RBM5: variants seen among roughly 807,000 people sequenced by gnomAD.
The protein encoded by RBM5 is RNA-binding protein 5.
Under a neutral mutation model 124.6 loss-of-function variants are expected in RBM5, and 15 were observed. That is an observed-to-expected ratio of 0.12 (90% confidence interval 0.08 to 0.19). RBM5 has a LOEUF of 0.19. Among genes scored for constraint, RBM5 ranks in the 10% least tolerant of loss-of-function variants. The probability of loss-of-function intolerance (pLI) is 1.00; values close to 1 mark genes in which losing one functional copy is unlikely to be tolerated. For missense variants in RBM5, 580 were observed against 1,026.5 expected (o/e 0.57, Z 5.94); for synonymous variants, 337 against 361.2 (o/e 0.93, Z 0.76).
Position 50,113,397 on chromosome 3 carries a change from C to T in RBM5, c.1470C>T (p.Ser490=). Residue 490 remains serine, a synonymous_variant, in exon 18 of 25, where the codon TCC becomes TCT. Coordinates refer to ENST00000347869, the MANE Select transcript of RBM5 (RefSeq NM_005778.4). ...YDPNSQYYYN[S]LTQQYLYWDG... ...TTGTTTTCTAGTACTACTATAATTC[C>T]TTGACCCAGCAGTACCTTTACTGGG... 6.2e-7 allele frequency: 1 copy of T among 1,612,606 alleles called. No individual in the cohort carries two copies. The highest frequency in any genetic ancestry group is 1.1e-5 in the South Asian group (1 of 90,814).
chr3:50,108,163 C>T lies in RBM5; in HGVS notation c.1119+16C>T, dbSNP rs201247964. 1,178 of 1,603,480 alleles carry T rather than the reference C, an allele frequency of 7.3e-4. 4 individuals carry two copies. The highest frequency in any genetic ancestry group is 9.3e-4 in the Non-Finnish European group (1,085 of 1,170,404). On this transcript the variant is annotated intron_variant, in intron 13 of 24. Coordinates refer to ENST00000347869, the MANE Select transcript of RBM5 (RefSeq NM_005778.4). The stretch of plus-strand genomic sequence containing the variant: ...ATATGCTCAGGTAGGTAGATTTTAG[C>T]AGCATCCACCTTATAGTCTTGCAGA...
At chr3:50,109,951 G>A (rs527520329) in intron 15 of RBM5, 37 of 341,158 alleles carry the variant, frequency 1.1e-4, no homozygotes, top group African/African-American at 4.3e-4. Flanking sequence ...GGTGGCTCGC[G>A]CCTGTAATCC....
At chr3:50,115,302 A>G (rs1201771031) in intron 20 of RBM5, 126 bp from the exon 21 acceptor site, 2 of 1,139,510 alleles carry the variant, frequency 1.8e-6, no homozygotes, top group South Asian at 1.4e-5. Flanking sequence ...ATTCATTACT[A>G]AAGTGTGACA....
At chr3:50,094,922 C>T (rs1318402903) in intron 4 of RBM5, among the ~76,000 whole-genome samples, 34 of 152,098 alleles carry the variant, frequency 2.2e-4, no homozygotes, top group Admixed American at 2.0e-3. Context: ...TTTGGCCAGG[C>T]GCGGTGGCTC....
At chr3:50,114,872 A>AC (rs1290273384) in intron 20 of RBM5, 5 of 153,290 alleles carry the variant, frequency 3.3e-5, no homozygotes, top group African/African-American at 1.2e-4. Context: ...TAAAAAAAAA[A>AC]AAAACAAAAA....
intron 10 of RBM5, among the ~76,000 whole-genome samples, chr3:50,106,510 G>A (rs1029397671): frequency 6.6e-6 from 1 of 152,078 alleles, no homozygotes; most frequent in African/African-American, 2.4e-5. Context: ...CAAGTGATCC[G>A]CTCATCTCAG....
rs376882895 is a variant in RBM5, at chr3:50,110,432, C to T, written c.1332C>T (p.Ser444=). 72 of 1,614,066 alleles carry T rather than the reference C, an allele frequency of 4.5e-5. No homozygotes were observed. The highest frequency in any genetic ancestry group is 5.9e-5 in the Non-Finnish European group (70 of 1,180,026). Residue 444 remains serine, a synonymous_variant, in exon 16 of 25, where the codon TCC becomes TCT. Transcript: ENST00000347869. ...TSTSTQAPAA[S]PTGVVPGTKY... ...CAAGTACACAGGCCCCAGCCGCTTC[C>T]CCTACTGGTGTAGTTCCTGGTACCA...
rs987256077 is a variant in RBM5 at position 50,107,179 on chromosome 3, C to T, written c.954-303C>T. On this transcript the variant is annotated intron_variant, in intron 11 of 24. Transcript: ENST00000347869. ...CAGAAATAACCCATTCCTTCCAGAA[C>T]AGCGTGCTAATAATTTCATGTATAT... 1.4e-5 allele frequency: 9 copies of T among 636,162 alleles called. No individual in the cohort carries two copies. The African/African-American group carries it at 1.6e-4, about 11-fold the overall frequency. 39.4% of individuals were successfully genotyped at this position (636,162 alleles called of 1,614,324 possible).
Position 50,113,456 on chromosome 3 carries a change from A to C in RBM5, c.1529A>C (p.Glu510Ala). 6.2e-7 allele frequency: 1 copy of C among 1,614,064 alleles called. No individual in the cohort carries two copies. The highest frequency in any genetic ancestry group is 1.7e-4 in the Middle Eastern group (1 of 6,030). Residue 510 changes from glutamate (E) to alanine (A), a missense_variant, in exon 18 of 25, where the codon GAG (glutamate) becomes GCG (alanine). Transcript: ENST00000347869. The stretch of plus-strand genomic sequence containing the variant: ...AAAGAGACCTACGTGCCAGCTGCAG[A>C]GTCTAGCTCCCACCAGCAGTCGGGC... The part of the protein sequence containing the change: ...GEKETYVPAA[E>A]SSSHQQSGLP...
rs2090650301 is a variant in RBM5 at position 50,088,969 on chromosome 3, CGAACCTTGTTGGAGGTTCTGGGGCGCA to C, written c.-108_-82del. On this transcript the variant is annotated 5_prime_UTR_variant, in exon 1 of 25. Transcript: ENST00000347869. ...CGGAGGCGCCATTTTGTGTAGCCGC[CGAACCTTGTTGGAGGTTCTGGGGCGCA>C]GAACCGCTACTGCTGCTTCGGTCTC... The C allele has an allele frequency of 6.6e-6, 1 of 152,276 alleles. No individual in the cohort carries two copies. The highest frequency in any genetic ancestry group is 1.5e-5 in the Non-Finnish European group (1 of 68,124). 9.4% of individuals were successfully genotyped at this position (152,276 alleles called of 1,614,324 possible).
chr3:50,102,981 A>G, intron 6 of RBM5, 102 bp from the exon 7 acceptor site: 8 of 928,338 alleles, frequency 8.6e-6, no homozygotes, highest in Non-Finnish European at 1.4e-5. Flanking sequence ...TATGTTGTCC[A>G]TTTAATTCCA....
chr3:50,108,373 C>T, intron 14 of RBM5, 69 bp downstream of exon 14: 1 of 1,363,558 alleles, frequency 7.3e-7, no homozygotes, highest in Non-Finnish European at 1.0e-6. Context: ...GATTAAATGT[C>T]CTAACTGGAC....
intron 3 of RBM5, 23 bp downstream of exon 3, chr3:50,092,231 AC>A (rs1319558673): frequency 2.2e-5 from 36 of 1,605,602 alleles, no homozygotes; most frequent in Non-Finnish European, 3.0e-5. Context: ...CGGCTGTATA[AC>A]CCCCCAAAAC....
Position 50,113,522 on chromosome 3 carries a change from C to T in RBM5, c.1595C>T (p.Pro532Leu), listed in dbSNP as rs749642561. The change falls in exon 18 of 25, where the codon CCC (proline) becomes CTC (leucine). Residue 532 changes from proline to leucine, a missense_variant. By Grantham distance (98) the Pro-to-Leu change is moderately conservative. Around this residue, in one of 6 missense-constraint regions of RBM5, gnomAD observed 234 missense variants for 435.1 expected, o/e 0.54. Transcript: ENST00000347869. ...GAGGGGAAAGAGAAGAAGGAGAAAC[C>T]CAAGAGCAAAACAGCCCAGCAGGTT... ...AKEGKEKKEK[P>L]KSKTAQQIAK... is the part of the protein sequence containing the mutation. 1.4e-5 allele frequency: 23 copies of T among 1,613,828 alleles called. No individual in the cohort carries two copies. The highest frequency in any genetic ancestry group is 9.3e-5 in the African/African-American group (7 of 74,878).
intron 4 of RBM5, among the ~76,000 whole-genome samples, chr3:50,096,001 TAATG>T (rs2108990732): frequency 6.6e-6 from 1 of 152,290 alleles, no homozygotes; most frequent in South Asian, 2.1e-4. Flanking sequence ...ACCCTGGAAG[TAATG>T]AATGTGACAA....
At chr3:50,107,966 G>A in intron 12 of RBM5, 104 bp from the exon 13 acceptor site, 12 of 989,938 alleles carry the variant, frequency 1.2e-5, no homozygotes, top group Admixed American at 3.7e-5. Flanking sequence ...GATTACAGCC[G>A]TGAGCCACAG....
Position 50,096,526 on chromosome 3 carries a change from G to A in RBM5, c.339+2651G>A, listed in dbSNP as rs1389328450. The stretch of plus-strand genomic sequence containing the variant: ...TGTCGGAAAAGGTCCTATTGAAAGA[G>A]GTCTGCCTAAGAGCTCTTGAAGGTT... On this transcript the variant is annotated intron_variant, in intron 4 of 24. Transcript: ENST00000347869. Among the ~76,000 whole-genome samples, 9 of 152,020 alleles carry A rather than the reference G, an allele frequency of 5.9e-5. 1 individual carries two copies. Among genetic ancestry groups the A allele is most frequent in the Admixed American group, 5.9e-4 (9 of 15,268 alleles).
chr3:50,092,223 GCT>G lies in RBM5; in HGVS notation c.183+16_183+17del. The stretch of plus-strand genomic sequence containing the variant: ...ACAGTCCAGAGGTGAGTGACCAGCG[GCT>G]GTATAACCCCCCAAAACACTCTGAG... On this transcript the variant is annotated intron_variant, in intron 3 of 24. Coordinates refer to ENST00000347869, the MANE Select transcript of RBM5 (RefSeq NM_005778.4). 6.2e-7 allele frequency: 1 copy of G among 1,609,474 alleles called. No homozygotes were observed. The highest frequency in any genetic ancestry group is 8.5e-7 in the Non-Finnish European group (1 of 1,178,436).
intron 20 of RBM5, 64 bp from the exon 21 acceptor site, chr3:50,115,364 G>A (rs1559697985): frequency 3.8e-6 from 6 of 1,559,566 alleles, no homozygotes; most frequent in Middle Eastern, 1.8e-4. Flanking sequence ...CTTTATCCAG[G>A]TACATAGCCA....
Sources: allele counts gnomAD v4.1 joint callset (sites outside exome capture counted in the v4.1 genomes callset), GRCh38; gene constraint gnomAD v4.1.1; regional missense constraint gnomAD v4.1.1; transcripts MANE v1.5; gene names NCBI Gene and HGNC (gene_info 2026-07-23, HGNC 2026-07-21).